The following NBPF11 variants were observed in gnomAD, a reference collection of about 807,000 sequenced individuals.
NBPF11 encodes the protein NBPF member 11.
In NBPF11, 72 loss-of-function variants were observed where a neutral mutation model predicts 93.9. The observed-to-expected ratio is 0.77, with a 90% confidence interval of 0.63 to 0.93. The LOEUF (loss-of-function observed/expected upper bound fraction) is 0.93. Among genes scored for constraint, NBPF11 ranks in the 40% least tolerant of loss-of-function variants. The pLI is 0.00. For synonymous variants in NBPF11, 224 were observed against 304.9 expected, an observed-to-expected ratio of 0.73 and a Z score of 2.76; for missense variants, 705 against 802.2, an observed-to-expected ratio of 0.88 and a Z score of 1.46.
chr1:148,124,824 T>C, intron 6 of NBPF11, 75 bp downstream of exon 6: 2 of 1,548,762 alleles, frequency 1.3e-6, no homozygotes, highest in South Asian at 1.1e-5. Flanking sequence ...TCGTTCTTAC[T>C]TCTCCCCGCC....
At chr1:148,151,552 G>A (rs1479182406) in intron 1 of NBPF11, among the ~76,000 whole-genome samples, 198 bp downstream of exon 1, 2 of 152,018 alleles carry the variant, frequency 1.3e-5, no homozygotes, top group African/African-American at 4.8e-5. Context: ...GGAGGGCTGC[G>A]GGCTGCAGCG....
intron 1 of NBPF11, among the ~76,000 whole-genome samples, chr1:148,148,855 G>C (rs1421593632): frequency 6.6e-6 from 1 of 151,690 alleles, no homozygotes; most frequent in East Asian, 1.9e-4. Flanking sequence ...GAGGAGAGGC[G>C]CCAGGGCCTC....
At chr1:148,145,102 G>GAA (rs1288214652) in intron 1 of NBPF11, among the ~76,000 whole-genome samples, 1,753 of 135,602 alleles carry the variant, frequency 0.013, 28 homozygotes, top group African/African-American at 0.049. Context: ...GACCCTGTCT[G>GAA]AAAAAAAAAA....
intron 11 of NBPF11, among the ~76,000 whole-genome samples, chr1:148,118,242 G>A (rs1265768509): frequency 1.3e-5 from 2 of 151,632 alleles, no homozygotes; most frequent in Non-Finnish European, 2.9e-5. Flanking sequence ...CATTGATTGA[G>A]TGAAAGAATG....
At chr1:148,120,447 G>A (rs1196259964) in intron 10 of NBPF11, 54 bp downstream of exon 10, 14 of 834,546 alleles carry the variant, frequency 1.7e-5, no homozygotes, top group Non-Finnish European at 2.6e-5. Flanking sequence ...GTTTCTCAGA[G>A]AGAAGACAGG....
chr1:148,133,483 T>C (rs1670761685), intron 4 of NBPF11, among the ~76,000 whole-genome samples: 1 of 152,038 alleles, frequency 6.6e-6, no homozygotes, highest in Non-Finnish European at 1.5e-5. Context: ...GGGTTGGAAG[T>C]GTTGCCTTCT....
At chr1:148,151,562 G>A (rs1483659653) in intron 1 of NBPF11, among the ~76,000 whole-genome samples, 188 bp downstream of exon 1, 1 of 151,978 alleles carries the variant, frequency 6.6e-6, no homozygotes, top group Non-Finnish European at 1.5e-5. Context: ...GGGCTGCAGC[G>A]GCAGGCGAGG....
intron 19 of NBPF11, among the ~76,000 whole-genome samples, chr1:148,107,409 C>T (rs1663970990): frequency 6.6e-6 from 1 of 151,208 alleles, no homozygotes; most frequent in Non-Finnish European, 1.5e-5. Context: ...GCCCTCGGGA[C>T]ACACAGCGAA....
Position 148,121,947 on chromosome 1 carries a change from C to T in NBPF11, c.778+108G>A, listed in dbSNP as rs1667969788. 3.3e-6 allele frequency: 3 copies of T among 913,232 alleles called. No individual in the cohort carries two copies. The African/African-American group carries it at 4.9e-5, about 15-fold the overall frequency. 56.6% of individuals were successfully genotyped at this position (913,232 alleles called of 1,614,324 possible). On this transcript the variant is annotated intron_variant, in intron 9 of 23. Coordinates refer to ENST00000682118, the MANE Select transcript of NBPF11 (RefSeq NM_001385469.3). ...GTGAGTCACAGCACCTAGCTCCATC[C>T]TAGTTTCTGACTAAAACAATAACAA...
intron 18 of NBPF11, among the ~76,000 whole-genome samples, chr1:148,108,141 G>C (rs1448339938): frequency 6.1e-5 from 9 of 148,194 alleles, no homozygotes; most frequent in East Asian, 2.1e-4. Context: ...GAGGATTTTA[G>C]ATGCTGAAAG....
At chr1:148,133,700 G>A (rs1199880524) in intron 4 of NBPF11, among the ~76,000 whole-genome samples, 1 of 150,542 alleles carries the variant, frequency 6.6e-6, no homozygotes, top group Non-Finnish European at 1.5e-5. Context: ...CACTTTGGGA[G>A]GCTGAGGCGG....
chr1:148,141,524 G>C lies in NBPF11; in HGVS notation c.-277+1891C>G, dbSNP rs1214289843. On this transcript the variant is annotated intron_variant, in intron 2 of 23. Coordinates refer to ENST00000682118, the MANE Select transcript of NBPF11 (RefSeq NM_001385469.3). ...GCAGCCCCATACCAAGGTTTTGGTG[G>C]CATCCTGTTATTGTTTGGTTAGTAC... Among the ~76,000 whole-genome samples the C allele has an allele frequency of 3.2e-3, 483 of 152,124 alleles. 6 individuals are homozygous for C. Among genetic ancestry groups the C allele is most frequent in the African/African-American group, 0.011 (452 of 41,384 alleles).
intron 10 of NBPF11, among the ~76,000 whole-genome samples, chr1:148,120,249 T>C (rs1667512975): frequency 6.6e-6 from 1 of 152,262 alleles, no homozygotes; most frequent in Non-Finnish European, 1.5e-5. Context: ...GGTCATTCTG[T>C]GCCTGTGTCA....
rs1248221819 is a variant in NBPF11 at position 148,115,651 on chromosome 1, G to T, written c.1585+142C>A. ...ACAAAGGCATGACATTAGCTGAGAA[G>T]GACAAAAAAACTCCCTGATATCTGT... On this transcript the variant is annotated intron_variant, in intron 14 of 23. Transcript: ENST00000682118. The T allele has an allele frequency of 5.3e-6, 7 of 1,316,956 alleles. No individual in the cohort carries two copies. In the Admixed American group the frequency reaches 1.5e-4, roughly 28 times the overall value. The allele number at this position is 1,316,956 out of a possible 1,614,324, so 81.6% of individuals were successfully genotyped here.
At chr1:148,147,913 T>A (rs1199522174) in intron 1 of NBPF11, among the ~76,000 whole-genome samples, 2 of 152,036 alleles carry the variant, frequency 1.3e-5, no homozygotes, top group Non-Finnish European at 2.9e-5. Context: ...CTCGGCCATC[T>A]GTCCTGCTGC....
rs1197232336 is a variant in NBPF11, at chr1:148,135,891, C to A, written c.-177-78G>T. On this transcript the variant is annotated intron_variant, in intron 3 of 23. Coordinates refer to ENST00000682118, the MANE Select transcript of NBPF11 (RefSeq NM_001385469.3). ...CCAATGAGACACTTTCTTACCATGACCCTGTTCACTTGAGTGCCCTGTGTG... is the reference window on the plus strand; with the variant it reads ...CCAATGAGACACTTTCTTACCATGAACCTGTTCACTTGAGTGCCCTGTGTG... The A allele has an allele frequency of 1.0e-5, 10 of 967,636 alleles. No homozygotes were observed. The South Asian group carries it at 1.1e-4, about 11-fold the overall frequency. 59.9% of individuals were successfully genotyped at this position (967,636 alleles called of 1,614,324 possible). A position where few individuals can be genotyped will look rare whatever the true frequency, so the allele number is the denominator to read the frequency against.
At chr1:148,146,095 C>CACGG (rs1672965574) in intron 1 of NBPF11, among the ~76,000 whole-genome samples, 2 of 151,846 alleles carry the variant, frequency 1.3e-5, no homozygotes, top group Admixed American at 1.3e-4. Flanking sequence ...CCGACGGACG[C>CACGG]ACGGGCGGGC....
In NBPF11 at chr1:148,149,353, G is replaced by A. The variant is rs1647645415; in HGVS notation, c.-549+2397C>T. On this transcript the variant is annotated intron_variant, in intron 1 of 23. Transcript: ENST00000682118. ...ACGCCTTCCCTAACATCGAGAAGGT[G>A]TCCAAGATCACGTCTCCCGTGCTCA... The A allele has an allele frequency of 8.1e-6, 13 of 1,596,908 alleles. No homozygotes were observed. In the South Asian group the frequency reaches 1.2e-4, roughly 15 times the overall value.
chr1:148,102,504 T>A lies in NBPF11; in HGVS notation c.*1392A>T, dbSNP rs79328544. On this transcript the variant is annotated 3_prime_UTR_variant, in exon 24 of 24. Transcript: ENST00000682118. ...AACCAGTCCTGATATCATAATGGTG[T>A]TGGACAAACTAGACCTTCTCTGCCC... 9.5e-4 allele frequency: 144 copies of A among 150,956 alleles called. 1 individual carries two copies. The South Asian group carries it at 0.013, about 14-fold the overall frequency. 9.4% of individuals were successfully genotyped at this position (150,956 alleles called of 1,614,324 possible). A position where few individuals can be genotyped will look rare whatever the true frequency, so the allele number is the denominator to read the frequency against.
Sources: gnomAD v4.1 joint callset for allele counts (sites outside exome capture counted in the v4.1 genomes callset) on GRCh38, gnomAD v4.1.1 for gene constraint, MANE v1.5 for transcripts, NCBI Gene and HGNC (gene_info 2026-07-23, HGNC 2026-07-21) for gene names.